CHL1: variants seen among roughly 807,000 people sequenced by gnomAD.
The protein encoded by CHL1 is cell adhesion molecule L1 like.
Under a neutral mutation model 141.9 loss-of-function variants are expected in CHL1, and 96 were observed. That is an observed-to-expected ratio of 0.68 (90% CI 0.57 to 0.80). The LOEUF (loss-of-function observed/expected upper bound fraction) is 0.80, where lower values mean the gene tolerates loss of function less well. Among genes scored for constraint, CHL1 ranks in the 30% least tolerant of loss-of-function variants. The probability of loss-of-function intolerance (pLI) is 0.00; values close to 1 mark genes in which losing one functional copy is unlikely to be tolerated. For missense variants in CHL1, 1,820 were observed against 1,457.2 expected (o/e 1.25, Z -4.05); for synonymous variants, 613 against 502.2 (o/e 1.22, Z -2.95).
chr3:246,920 A>G (rs1024657442), intron 2 of CHL1: 1 of 152,130 alleles, frequency 6.6e-6, no homozygotes, highest in Non-Finnish European at 1.5e-5. Flanking sequence ...GCAGAAGATC[A>G]TGATAAAACA....
chr3:255,724 G>A (rs990392759), intron 2 of CHL1, among the ~76,000 whole-genome samples: 2 of 152,278 alleles, frequency 1.3e-5, no homozygotes, highest in East Asian at 3.9e-4. Flanking sequence ...TGACAACCTA[G>A]AACAGTAGTT....
chr3:343,132 C>G, intron 8 of CHL1, 101 bp downstream of exon 8: 1 of 867,088 alleles, frequency 1.2e-6, no homozygotes, highest in Non-Finnish European at 1.8e-6. Context: ...TATTACAATA[C>G]TGTTATTATG....
At chr3:283,545 C>G (rs1375881509) in intron 2 of CHL1, among the ~76,000 whole-genome samples, 3 of 152,162 alleles carry the variant, frequency 2.0e-5, no homozygotes, top group African/African-American at 4.8e-5. Context: ...TCTAACATAT[C>G]TTTTTCTTCA....
At chr3:265,331 G>A (rs765082572) in intron 2 of CHL1, among the ~76,000 whole-genome samples, 1 of 152,218 alleles carries the variant, frequency 6.6e-6, no homozygotes, top group African/African-American at 2.4e-5. Flanking sequence ...TAGTGGTTAA[G>A]TGCTTAGAGT....
At chr3:341,156 G>C (rs1702317529) in intron 6 of CHL1, among the ~76,000 whole-genome samples, 1 of 152,144 alleles carries the variant, frequency 6.6e-6, no homozygotes, top group Non-Finnish European at 1.5e-5. Context: ...GCATGGGTTT[G>C]TGTTGCTAGC....
At chr3:315,110 C>G (rs1313429639) in intron 2 of CHL1, among the ~76,000 whole-genome samples, 1 of 152,140 alleles carries the variant, frequency 6.6e-6, no homozygotes, top group Non-Finnish European at 1.5e-5. Context: ...GGACTATATC[C>G]TCATTGCCAC....
At chr3:383,954 C>G in intron 19 of CHL1, 68 bp downstream of exon 19, 1 of 1,009,812 alleles carries the variant, frequency 9.9e-7, no homozygotes, top group South Asian at 1.5e-5. Flanking sequence ...TGCATGCTAA[C>G]TACAATGATA....
chr3:340,833 A>T lies in CHL1; in HGVS notation c.425A>T (p.Glu142Val), dbSNP rs759931382. ...CCAAAAGAAAAAATTGACCCTCTTG[A>T]AGTGGAGGAGGGAGATCCAATTGTC... is the stretch of plus-strand genomic sequence containing the variant. ...KFPKEKIDPL[E>V]VEEGDPIVLP... The change falls in exon 6 of 28, where the codon GAA becomes GTA. Residue 142 changes from glutamate to valine, a missense_variant. Glu to Val is a moderately radical substitution (Grantham distance 121). Transcript: ENST00000256509. The T allele has an allele frequency of 1.2e-6, 2 of 1,612,074 alleles. No homozygotes were observed. Among genetic ancestry groups the T allele is most frequent in the Non-Finnish European group, 1.7e-6 (2 of 1,178,472 alleles).
chr3:342,356 C>T (rs1007320865), intron 7 of CHL1, among the ~76,000 whole-genome samples: 2 of 152,138 alleles, frequency 1.3e-5, no homozygotes, highest in African/African-American at 4.8e-5. Context: ...ATGAAATATA[C>T]AATGAAATTC....
chr3:262,533 C>A (rs1008856534), intron 2 of CHL1, among the ~76,000 whole-genome samples: 2 of 147,966 alleles, frequency 1.4e-5, no homozygotes, highest in Non-Finnish European at 3.0e-5. Flanking sequence ...ACAGTACTTA[C>A]AGGGCAGGAT....
chr3:388,842 C>T (rs1046595467), intron 19 of CHL1, among the ~76,000 whole-genome samples: 1 of 152,226 alleles, frequency 6.6e-6, no homozygotes, highest in East Asian at 1.9e-4. Context: ...GAATCCCATT[C>T]ACAACCAAAG....
intron 1 of CHL1, among the ~76,000 whole-genome samples, chr3:226,374 T>TTATATATATATATA (rs56305108): frequency 6.9e-6 from 1 of 144,304 alleles, no homozygotes; most frequent in African/African-American, 2.5e-5. Context: ...ATAGAATATT[T>TTATATATATATATA]TATATATATA....
intron 2 of CHL1, among the ~76,000 whole-genome samples, chr3:252,373 T>G (rs1474868390): frequency 8.4e-6 from 1 of 119,152 alleles, no homozygotes; most frequent in Non-Finnish European, 1.9e-5. Context: ...TATATATATA[T>G]ATATATATAT....
rs1012165551 is a variant in CHL1 at position 231,660 on chromosome 3, T to G, written c.-174-12953T>G. ...TGGCACAATCCTGGTTTATTGCAAC[T>G]TCTGCCTCCTGGTTCAAGCAATTCT... On this transcript the variant is annotated intron_variant, in intron 1 of 27. Transcript: ENST00000256509. Among the ~76,000 whole-genome samples the G allele has an allele frequency of 2.0e-5, 3 of 148,506 alleles. No homozygotes were observed. The Admixed American group carries it at 2.1e-4, about 10-fold the overall frequency.
chr3:267,622 T>G (rs963379157), intron 2 of CHL1, among the ~76,000 whole-genome samples: 3 of 152,196 alleles, frequency 2.0e-5, no homozygotes, highest in Non-Finnish European at 4.4e-5. Flanking sequence ...ACATTATATC[T>G]CATTATCTTT....
intron 2 of CHL1, among the ~76,000 whole-genome samples, chr3:305,461 T>C (rs1311110477): frequency 6.6e-6 from 1 of 152,038 alleles, no homozygotes; most frequent in East Asian, 1.9e-4. Context: ...TGCCCTATTA[T>C]AACTTTATAG....
At chr3:388,152 T>C (rs1363144046) in intron 19 of CHL1, among the ~76,000 whole-genome samples, 4 of 152,186 alleles carry the variant, frequency 2.6e-5, no homozygotes, top group Non-Finnish European at 5.9e-5. Context: ...TCCCATTATC[T>C]TTGAAAGCTA....
At chr3:223,915 C>T (rs1306682424) in intron 1 of CHL1, among the ~76,000 whole-genome samples, 2 of 152,132 alleles carry the variant, frequency 1.3e-5, no homozygotes, top group Non-Finnish European at 2.9e-5. Flanking sequence ...TGAATTAGTT[C>T]CTTGGTATGA....
At chr3:201,129 A>G (rs879502671) in intron 1 of CHL1, among the ~76,000 whole-genome samples, 2 of 152,238 alleles carry the variant, frequency 1.3e-5, no homozygotes, top group Non-Finnish European at 2.9e-5. Flanking sequence ...TCACTGGGTT[A>G]GGAAGCTCAA....
Sources: gnomAD v4.1 joint callset for allele counts (sites outside exome capture counted in the v4.1 genomes callset) on GRCh38, gnomAD v4.1.1 for gene constraint, MANE v1.5 for transcripts, NCBI Gene and HGNC (gene_info 2026-07-23, HGNC 2026-07-21) for gene names.